Variants in COL5A2 observed in about 807,000 individuals in gnomAD.
COL5A2 encodes collagen alpha-2(V) chain.
Under a neutral mutation model 208.2 loss-of-function variants are expected in COL5A2, and 23 were observed. The observed-to-expected ratio is 0.11, with a 90% CI of 0.08 to 0.16. COL5A2 has a LOEUF of 0.16. Among genes scored for constraint, COL5A2 ranks in the 10% least tolerant of loss-of-function variants. The pLI is 1.00. For synonymous variants in COL5A2, 625 were observed against 628.5 expected (o/e 0.99, Z 0.08); for missense variants, 1,590 against 1,956.4 (o/e 0.81, Z 3.53).
At chr2:189,267,641 T>C in the COL5A2 span, among the ~76,000 whole-genome samples, 14 of 151,988 alleles carry the variant, frequency 9.2e-5, no homozygotes, top group Admixed American at 7.9e-4. Context: ...CACAGTGGGG[T>C]TGATGCCTGA....
chr2:189,266,336 G>A, the COL5A2 span, among the ~76,000 whole-genome samples: 4 of 151,986 alleles, frequency 2.6e-5, no homozygotes, highest in Admixed American at 2.6e-4. Context: ...TGAGGCAGGA[G>A]AATTGCCTGA....
upstream of COL5A2, among the ~76,000 whole-genome samples, chr2:189,180,794 A>G (rs1688768859): frequency 6.6e-6 from 1 of 152,202 alleles, no homozygotes. Flanking sequence ...ATTTTAAGGA[A>G]AATTATCGAT....
chr2:189,111,112 A>G (rs1163588536), intron 1 of COL5A2, among the ~76,000 whole-genome samples: 1 of 152,194 alleles, frequency 6.6e-6, no homozygotes, highest in African/African-American at 2.4e-5. Flanking sequence ...TGTTTGCATC[A>G]AAATTAATTA....
chr2:189,294,518 A>G, the COL5A2 span, among the ~76,000 whole-genome samples: 1 of 152,196 alleles, frequency 6.6e-6, no homozygotes, highest in Non-Finnish European at 1.5e-5. Context: ...TATTCTTGGA[A>G]TTTATCACAT....
At chr2:189,293,126 G>A in the COL5A2 span, among the ~76,000 whole-genome samples, 1 of 151,650 alleles carries the variant, frequency 6.6e-6, no homozygotes, top group East Asian at 1.9e-4. Flanking sequence ...AGTGGGGAGG[G>A]ATAGCATTAG....
At chr2:189,339,439 C>T in the COL5A2 span, among the ~76,000 whole-genome samples, 1 of 151,974 alleles carries the variant, frequency 6.6e-6, no homozygotes, top group Non-Finnish European at 1.5e-5. Flanking sequence ...TCCAGCTTCA[C>T]TTGATGCTCA....
chr2:189,305,823 A>C, the COL5A2 span, among the ~76,000 whole-genome samples: 2 of 152,094 alleles, frequency 1.3e-5, no homozygotes, highest in African/African-American at 4.8e-5. Context: ...CTAAAAAAAA[A>C]AAAAAAAAAC....
chr2:189,285,030 CT>C, the COL5A2 span, among the ~76,000 whole-genome samples: 1 of 149,410 alleles, frequency 6.7e-6, no homozygotes, highest in Non-Finnish European at 1.5e-5. Flanking sequence ...ATGGACACCC[CT>C]GAGTCAGCCT....
chr2:189,155,795 T>C (rs1026242451), intron 1 of COL5A2, among the ~76,000 whole-genome samples: 2 of 152,192 alleles, frequency 1.3e-5, no homozygotes, highest in Non-Finnish European at 2.9e-5. Flanking sequence ...GTTCTGGATG[T>C]CAGAAGTCTG....
intron 1 of COL5A2, among the ~76,000 whole-genome samples, chr2:189,124,214 C>A (rs1469835127): frequency 6.6e-6 from 1 of 152,114 alleles, no homozygotes; most frequent in Non-Finnish European, 1.5e-5. Flanking sequence ...CTATTCATTT[C>A]CCAACTCTAA....
chr2:189,272,894 C>T, the COL5A2 span, among the ~76,000 whole-genome samples: 2 of 152,100 alleles, frequency 1.3e-5, no homozygotes, highest in Non-Finnish European at 2.9e-5. Context: ...ACTCCTTGTA[C>T]AGCATGACCA....
chr2:189,434,073 G>A, the COL5A2 span, among the ~76,000 whole-genome samples: 1 of 152,080 alleles, frequency 6.6e-6, no homozygotes, highest in Non-Finnish European at 1.5e-5. Flanking sequence ...TAGAACCAAT[G>A]ACAAAAACCA....
At chr2:189,412,487 T>C in the COL5A2 span, among the ~76,000 whole-genome samples, 4 of 152,190 alleles carry the variant, frequency 2.6e-5, no homozygotes, top group Non-Finnish European at 5.9e-5. Flanking sequence ...ATAATTATAA[T>C]CTCTGGTTAG....
chr2:189,142,188 A>G (rs546654354), intron 1 of COL5A2, among the ~76,000 whole-genome samples: 1 of 152,108 alleles, frequency 6.6e-6, no homozygotes, highest in Non-Finnish European at 1.5e-5. Flanking sequence ...TGTTTTTAAT[A>G]ATAAAATACA....
rs1576552416 is a variant in COL5A2 at position 189,141,922 on chromosome 2, G to A, written c.98-31473C>T. On this transcript the variant is annotated intron_variant, in intron 1 of 53. Transcript: ENST00000374866. ...AAAGGTTGAGCTTCATCAAACTAAGGAAAAATATTTAAGATGTTTTATGGA... is the reference window on the plus strand; with the variant it reads ...AAAGGTTGAGCTTCATCAAACTAAGAAAAAATATTTAAGATGTTTTATGGA... 3.3e-5 allele frequency among the ~76,000 whole-genome samples: 5 copies of A among 152,130 alleles called. 1 individual carries two copies. In the South Asian group the frequency reaches 6.2e-4, roughly 19 times the overall value.
At chr2:189,186,510 G>A (rs558695817) in intron 1 of COL5A2, among the ~76,000 whole-genome samples, 30 of 151,834 alleles carry the variant, frequency 2.0e-4, no homozygotes, top group East Asian at 3.9e-4. Context: ...ACTTTTTTTC[G>A]TATTCTACGG....
chr2:189,323,033 C>T, the COL5A2 span, among the ~76,000 whole-genome samples: 11 of 152,210 alleles, frequency 7.2e-5, 1 homozygote, highest in African/African-American at 1.9e-4. Flanking sequence ...AATCAATAAA[C>T]GTAATACAGC....
intron 1 of COL5A2, among the ~76,000 whole-genome samples, chr2:189,145,667 T>C (rs962729282): frequency 2.6e-5 from 4 of 152,086 alleles, no homozygotes; most frequent in African/African-American, 9.7e-5. Flanking sequence ...AGGATTTTTA[T>C]TGGGCAAGTA....
At chr2:189,341,230 C>A in the COL5A2 span, among the ~76,000 whole-genome samples, 1 of 152,106 alleles carries the variant, frequency 6.6e-6, no homozygotes, top group African/African-American at 2.4e-5. Flanking sequence ...TGTAGAGTGA[C>A]TAACATGTAG....
Sources: allele counts gnomAD v4.1 joint callset (sites outside exome capture counted in the v4.1 genomes callset), GRCh38; gene constraint gnomAD v4.1.1; transcripts MANE v1.5; gene names NCBI Gene and HGNC (gene_info 2026-07-23, HGNC 2026-07-21).